ZNF383: variants seen among roughly 807,000 people sequenced by gnomAD.
The protein encoded by ZNF383 is zinc finger protein 383.
Under a neutral mutation model 44.2 loss-of-function variants are expected in ZNF383, and 32 were observed. The observed-to-expected ratio is 0.72, with a 90% CI of 0.55 to 0.97. The LOEUF (loss-of-function observed/expected upper bound fraction) is 0.97, where lower values mean the gene tolerates loss of function less well. Among genes scored for constraint, ZNF383 ranks in the 50% least tolerant of loss-of-function variants. ZNF383 has a pLI of 0.00. For synonymous variants in ZNF383, 155 were observed against 186.2 expected, an observed-to-expected ratio of 0.83 and a Z score of 1.36; for missense variants, 487 against 562.5, an observed-to-expected ratio of 0.87 and a Z score of 1.36.
rs781708957 is a variant in ZNF383, at chr19:37,242,953, A to G, written c.717A>G (p.Ser239=). 1 of 1,613,984 alleles carries G rather than the reference A, an allele frequency of 6.2e-7. No homozygotes were observed. Among genetic ancestry groups the G allele is most frequent in the African/African-American group, 1.3e-5 (1 of 74,932 alleles). Residue 239 remains serine, a synonymous_variant, in exon 6 of 6, where the codon TCA becomes TCG. Transcript: ENST00000684119. ...GTGGAAAGGCCTTCAGTTGTAGCTC[A>G]TACCTTTCTCAACATCAGAGAATCC... ...KECGKAFSCS[S]YLSQHQRIHT...
chr19:37,243,722 A>T lies in ZNF383; in HGVS notation c.*58A>T, dbSNP rs2145550516. 1 of 1,172,826 alleles carries T rather than the reference A, an allele frequency of 8.5e-7. No individual in the cohort carries two copies. Among genetic ancestry groups the T allele is most frequent in the East Asian group, 2.4e-5 (1 of 41,528 alleles). 72.7% of individuals were successfully genotyped at this position (1,172,826 alleles called of 1,614,324 possible). ...TTTTAAACCAAAAATCATGTCTAAT[A>T]GTTACCCTCTTCCGTAGTTTTTTTT... On this transcript the variant is annotated 3_prime_UTR_variant, in exon 6 of 6. Transcript: ENST00000684119.
At chr19:37,239,660 G>T (rs187724208) in intron 5 of ZNF383, among the ~76,000 whole-genome samples, 11 of 152,200 alleles carry the variant, frequency 7.2e-5, no homozygotes, top group African/African-American at 2.4e-4. Context: ...TAAGGAGTTC[G>T]GACTTTGAGC....
At chr19:37,224,161 C>T (rs931079810) in intron 1 of ZNF383, among the ~76,000 whole-genome samples, 9 of 151,868 alleles carry the variant, frequency 5.9e-5, no homozygotes, top group Non-Finnish European at 1.3e-4. Flanking sequence ...AGAATAAAAG[C>T]CCAAATATAA....
chr19:37,247,156 A>C lies in ZNF383; in HGVS notation c.*3492A>C, dbSNP rs1170748610. ...TTTGTGCATATATTGTAATACTAGG[A>C]AGAAAAAATATAGAACCCAAGGAAC... On this transcript the variant is annotated 3_prime_UTR_variant, in exon 6 of 6. Coordinates refer to ENST00000684119, the MANE Select transcript of ZNF383 (RefSeq NM_001387601.1). 3.9e-5 allele frequency: 6 copies of C among 152,226 alleles called. No homozygotes were observed. The highest frequency in any genetic ancestry group is 8.8e-5 in the Non-Finnish European group (6 of 68,048). 9.4% of individuals were successfully genotyped at this position (152,226 alleles called of 1,614,324 possible).
chr19:37,229,665 T>C (rs1332831791), intron 2 of ZNF383, among the ~76,000 whole-genome samples: 1 of 143,610 alleles, frequency 7.0e-6, no homozygotes, highest in African/African-American at 2.6e-5. Context: ...TATGTGTGTA[T>C]ATATATGTAT....
intron 4 of ZNF383, 65 bp from the exon 5 acceptor site, chr19:37,235,914 C>A: frequency 7.1e-7 from 1 of 1,411,564 alleles, no homozygotes; most frequent in Non-Finnish European, 9.7e-7. Context: ...TTCCTGTGAT[C>A]ATCAAGGGAC....
At chr19:37,220,320 A>G (rs1972858841) in intron 1 of ZNF383, among the ~76,000 whole-genome samples, 1 of 152,200 alleles carries the variant, frequency 6.6e-6, no homozygotes, top group African/African-American at 2.4e-5. Context: ...CTGGAGTGCA[A>G]TGGCTAGATC....
chr19:37,227,674 GTC>G (rs1973248802), intron 2 of ZNF383: 3 of 152,508 alleles, frequency 2.0e-5, no homozygotes, highest in African/African-American at 7.3e-5. Flanking sequence ...CGAATGCCTG[GTC>G]GCGCTGTTAT....
In ZNF383 at chr19:37,243,035, T is replaced by A. The variant is rs1974208495; in HGVS notation, c.799T>A (p.Ser267Thr). The change falls in exon 6 of 6, where the codon TCA (serine) becomes ACA (threonine). Residue 267 changes from serine (S) to threonine (T), a missense_variant. Transcript: ENST00000684119. ...ATGTGGGAAGGCCTTTAGTTATTGC[T>A]CAAATCTTATTGACCATCAGCGAAT... Reference protein sequence around the residue: ...KECGKAFSYCSNLIDHQRIHT... With the variant: ...KECGKAFSYCTNLIDHQRIHT... 6.2e-7 allele frequency: 1 copy of A among 1,613,978 alleles called. No individual in the cohort carries two copies. The highest frequency in any genetic ancestry group is 1.7e-5 in the Admixed American group (1 of 59,982).
At chr19:37,228,849 A>C (rs886084160) in intron 2 of ZNF383, among the ~76,000 whole-genome samples, 7 of 152,208 alleles carry the variant, frequency 4.6e-5, no homozygotes, top group Middle Eastern at 3.4e-3. Context: ...ATCCTTCTCT[A>C]ATTATTGTAT....
chr19:37,233,622 G>A (rs749678328), intron 3 of ZNF383, among the ~76,000 whole-genome samples: 6 of 151,778 alleles, frequency 4.0e-5, no homozygotes, highest in Non-Finnish European at 7.4e-5. Flanking sequence ...TAGAGACAGG[G>A]TTTCACCATG....
At chr19:37,234,535 G>T (rs574257210) in intron 3 of ZNF383, among the ~76,000 whole-genome samples, 1 of 151,950 alleles carries the variant, frequency 6.6e-6, no homozygotes, top group Non-Finnish European at 1.5e-5. Context: ...GACTACAGGC[G>T]CCCGCCACCA....
chr19:37,237,844 C>T (rs941085774), intron 5 of ZNF383, among the ~76,000 whole-genome samples: 2 of 151,684 alleles, frequency 1.3e-5, no homozygotes, highest in Non-Finnish European at 2.9e-5. Flanking sequence ...TCTTAAAGGC[C>T]TCACCTCTTC....
intron 2 of ZNF383, among the ~76,000 whole-genome samples, chr19:37,228,273 A>C (rs1195268702): frequency 6.6e-6 from 1 of 152,088 alleles, no homozygotes; most frequent in Non-Finnish European, 1.5e-5. Context: ...TTTTTTGGTC[A>C]CTTTTTATCG....
intron 3 of ZNF383, among the ~76,000 whole-genome samples, chr19:37,230,825 A>G (rs1973450778): frequency 6.6e-6 from 1 of 152,186 alleles, no homozygotes; most frequent in African/African-American, 2.4e-5. Flanking sequence ...ACTTAGCTGG[A>G]AATATAGACA....
chr19:37,232,807 C>T (rs2145506922), intron 3 of ZNF383, among the ~76,000 whole-genome samples: 1 of 152,194 alleles, frequency 6.6e-6, no homozygotes, highest in Non-Finnish European at 1.5e-5. Flanking sequence ...CAAAAGTGAC[C>T]AATAATGTTT....
chr19:37,241,709 A>C (rs928534212), intron 5 of ZNF383, among the ~76,000 whole-genome samples: 1 of 152,048 alleles, frequency 6.6e-6, no homozygotes, highest in Non-Finnish European at 1.5e-5. Context: ...TCCTACCATG[A>C]ATTACCTTAT....
At chr19:37,233,904 G>A (rs867169979) in intron 3 of ZNF383, among the ~76,000 whole-genome samples, 9 of 150,320 alleles carry the variant, frequency 6.0e-5, no homozygotes, top group East Asian at 3.9e-4. Context: ...CGCTTTTATC[G>A]CCCAGGCTGG....
chr19:37,235,794 A>G (rs751761203), intron 4 of ZNF383, 119 bp downstream of exon 4: 1 of 1,384,424 alleles, frequency 7.2e-7, no homozygotes, highest in East Asian at 2.3e-5. Context: ...ATTACCAAAC[A>G]AATGGTTTGA....
Sources: allele counts gnomAD v4.1 joint callset (sites outside exome capture counted in the v4.1 genomes callset), GRCh38; gene constraint gnomAD v4.1.1; transcripts MANE v1.5; gene names NCBI Gene and HGNC (gene_info 2026-07-23, HGNC 2026-07-21).